Variants in DLG1 observed in about 807,000 individuals in gnomAD.
The protein encoded by DLG1 is disks large homolog 1.
DLG1 carries 42 observed loss-of-function variants against 123.4 expected under a neutral mutation model. The ratio of observed to expected loss-of-function variants is 0.34; its 90% CI spans 0.27 to 0.44. The LOEUF is 0.44. DLG1 is among the 20% of genes least tolerant of loss of function. DLG1 has a pLI of 1.00. For synonymous variants in DLG1, 317 were observed against 356.2 expected (o/e 0.89, Z 1.24); for missense variants, 942 against 1,082.6 (o/e 0.87, Z 1.82).
chr3:197,107,845 G>A (rs1767502062), intron 13 of DLG1, among the ~76,000 whole-genome samples: 1 of 150,514 alleles, frequency 6.6e-6, no homozygotes, highest in South Asian at 2.1e-4. Flanking sequence ...AGAACCTCCA[G>A]GACAATGTTG....
At chr3:197,122,544 T>C (rs568350408) in intron 11 of DLG1, among the ~76,000 whole-genome samples, 2 of 152,098 alleles carry the variant, frequency 1.3e-5, no homozygotes, top group African/African-American at 4.8e-5. Flanking sequence ...GTTATATACG[T>C]AGACGATCTG....
chr3:197,117,110 G>C (rs1342391509), intron 12 of DLG1, among the ~76,000 whole-genome samples: 1 of 152,004 alleles, frequency 6.6e-6, no homozygotes, highest in African/African-American at 2.4e-5. Context: ...CAGTCACTAG[G>C]GAAAGAGATA....
intron 24 of DLG1, among the ~76,000 whole-genome samples, chr3:197,050,803 C>T (rs898313374): frequency 1.4e-4 from 22 of 152,086 alleles, no homozygotes; most frequent in Non-Finnish European, 2.5e-4. Context: ...CCTACACACA[C>T]AAAATGGTAA....
chr3:197,228,331 C>T (rs1003913342), intron 4 of DLG1, among the ~76,000 whole-genome samples: 1 of 152,178 alleles, frequency 6.6e-6, no homozygotes, highest in African/African-American at 2.4e-5. Context: ...TAAGCAAGCA[C>T]ATTATTTGGC....
chr3:197,287,507 C>CAT (rs57586309), intron 3 of DLG1, among the ~76,000 whole-genome samples: 2,642 of 151,552 alleles, frequency 0.017, 77 homozygotes, highest in African/African-American at 0.061. Flanking sequence ...TAAACCCAAC[C>CAT]ATATATATAT....
intron 18 of DLG1, among the ~76,000 whole-genome samples, chr3:197,073,035 C>T (rs1745052041): frequency 6.6e-6 from 1 of 152,190 alleles, no homozygotes; most frequent in African/African-American, 2.4e-5. Context: ...TCTCAAATCT[C>T]TCTAACCAAG....
rs543285458 is a variant in DLG1 at position 197,050,761 on chromosome 3, T to C, written c.2575+816A>G. Reference sequence around the variant, plus strand: ...ATCTAATATACAGCAGTAGTGACTATTGTTAATAAAGAGTAGATCTTAAGA... The same window carrying C: ...ATCTAATATACAGCAGTAGTGACTACTGTTAATAAAGAGTAGATCTTAAGA... On this transcript the variant is annotated intron_variant, in intron 24 of 24. Transcript: ENST00000667157. 3.1e-3 allele frequency among the ~76,000 whole-genome samples: 478 copies of C among 152,240 alleles called. 4 individuals are homozygous for C. The highest frequency in any genetic ancestry group is 0.011 in the African/African-American group (454 of 41,534).
chr3:197,113,935 A>G (rs1373984045), intron 13 of DLG1, among the ~76,000 whole-genome samples: 1 of 152,162 alleles, frequency 6.6e-6, no homozygotes, highest in Admixed American at 6.5e-5. Context: ...ATAGTGCTCT[A>G]TGATTGTGCC....
rs1290895115 is a variant in DLG1, at chr3:197,207,771, T to C, written c.319-13182A>G. ...TCAACCAATATCATTGGTTAAAAGATTATTCAATAAATAGCAAGGGGGAAA... is the reference window on the plus strand; with the variant it reads ...TCAACCAATATCATTGGTTAAAAGACTATTCAATAAATAGCAAGGGGGAAA... On this transcript the variant is annotated intron_variant, in intron 4 of 24. Transcript: ENST00000667157. Among the ~76,000 whole-genome samples, 7 of 116,550 alleles carry C rather than the reference T, an allele frequency of 6.0e-5. No homozygotes were observed. The Admixed American group carries it at 6.1e-4, about 10-fold the overall frequency. 76.5% of individuals were successfully genotyped at this position (116,550 alleles called of 152,430 possible).
intron 15 of DLG1, among the ~76,000 whole-genome samples, chr3:197,089,100 C>A (rs1756156118): frequency 6.6e-6 from 1 of 152,088 alleles, no homozygotes; most frequent in Non-Finnish European, 1.5e-5. Context: ...GAGGCGAAGG[C>A]TTCATATTTA....
In DLG1 at chr3:197,209,412, G is replaced by A. The variant is rs971958853; in HGVS notation, c.319-14823C>T. Among the ~76,000 whole-genome samples the A allele has an allele frequency of 8.2e-5, 12 of 146,314 alleles. 3 individuals carry two copies. The highest frequency in any genetic ancestry group is 6.2e-4 in the Admixed American group (9 of 14,602). ...TAAGCAAAACCAACAGAAACTAAAGGGAGAAACAGACAATTCTACAATTTT... is the reference window on the plus strand; with the variant it reads ...TAAGCAAAACCAACAGAAACTAAAGAGAGAAACAGACAATTCTACAATTTT... On this transcript the variant is annotated intron_variant, in intron 4 of 24. Coordinates refer to ENST00000667157, the MANE Select transcript of DLG1 (RefSeq NM_001366207.1).
intron 4 of DLG1, among the ~76,000 whole-genome samples, chr3:197,261,345 A>G (rs1268371860): frequency 6.6e-6 from 1 of 152,216 alleles, no homozygotes; most frequent in Non-Finnish European, 1.5e-5. Context: ...GGGAGGCTGA[A>G]ACTGGACAAT....
At chr3:197,184,063 A>G in intron 5 of DLG1, 2 of 1,250,700 alleles carry the variant, frequency 1.6e-6, no homozygotes, top group Non-Finnish European at 2.0e-6. Flanking sequence ...CATAAGGTGG[A>G]TTTCTTTCTC....
At chr3:197,198,391 G>A (rs374019584) in intron 4 of DLG1, among the ~76,000 whole-genome samples, 321 of 151,634 alleles carry the variant, frequency 2.1e-3, no homozygotes, top group African/African-American at 7.4e-3. Flanking sequence ...GGGAGGCTGA[G>A]GCAGAGAATC....
intron 4 of DLG1, among the ~76,000 whole-genome samples, chr3:197,199,502 A>G (rs1363371442): frequency 1.3e-5 from 2 of 152,178 alleles, no homozygotes; most frequent in Non-Finnish European, 2.9e-5. Flanking sequence ...AACATATCTC[A>G]TTATGTATAT....
chr3:197,118,069 T>A (rs1255470119), intron 12 of DLG1, among the ~76,000 whole-genome samples: 1 of 152,162 alleles, frequency 6.6e-6, no homozygotes, highest in Non-Finnish European at 1.5e-5. Context: ...TATACTTCAT[T>A]ATTACAAAGT....
chr3:197,160,587 T>C (rs1028677334), intron 5 of DLG1, among the ~76,000 whole-genome samples: 1 of 152,144 alleles, frequency 6.6e-6, no homozygotes, highest in Non-Finnish European at 1.5e-5. Context: ...AAAAATTATA[T>C]AGTAGCAGTA....
At chr3:197,081,190 TGTTATCTTTATAATGG>T in intron 16 of DLG1, 73 bp from the exon 17 acceptor site, 7 of 1,416,516 alleles carry the variant, frequency 4.9e-6, no homozygotes, top group Non-Finnish European at 6.8e-6. Context: ...TAACCAGAAT[TGTTATCTTTATAATGG>T]GCATTTTTAT....
chr3:197,131,506 T>G (rs1446242170), intron 10 of DLG1, among the ~76,000 whole-genome samples: 1 of 151,948 alleles, frequency 6.6e-6, no homozygotes, highest in African/African-American at 2.4e-5. Flanking sequence ...ACTAATTTAT[T>G]AGTTCTATTA....
Sources: allele counts gnomAD v4.1 joint callset (sites outside exome capture counted in the v4.1 genomes callset), GRCh38; gene constraint gnomAD v4.1.1; transcripts MANE v1.5; gene names NCBI Gene and HGNC (gene_info 2026-07-23, HGNC 2026-07-21).